MYO1E: variants seen among roughly 807,000 people sequenced by gnomAD.
MYO1E encodes the protein unconventional myosin-Ie.
Under a neutral mutation model 151.1 loss-of-function variants are expected in MYO1E, and 68 were observed. That is an observed-to-expected ratio of 0.45 (90% CI 0.37 to 0.55). The LOEUF (loss-of-function observed/expected upper bound fraction) is 0.55. Ranked by LOEUF, MYO1E falls within the 20% of genes least tolerant of loss-of-function variation. The pLI is 0.00. For missense variants in MYO1E, 1,363 were observed against 1,389.3 expected (o/e 0.98, Z 0.30); for synonymous variants, 601 against 501.7 (o/e 1.20, Z -2.64).
intron 3 of MYO1E, among the ~76,000 whole-genome samples, chr15:59,260,080 T>C (rs559117610): frequency 2.0e-5 from 3 of 152,376 alleles, no homozygotes; most frequent in African/African-American, 7.2e-5. Flanking sequence ...GCATATTTTT[T>C]AGAAATTCTA....
chr15:59,300,274 T>C (rs987316693), intron 1 of MYO1E, among the ~76,000 whole-genome samples: 3 of 151,430 alleles, frequency 2.0e-5, no homozygotes, highest in African/African-American at 7.3e-5. Context: ...CCTGTTCCCA[T>C]GGCTCTGCCT....
At chr15:59,219,937 C>T (rs1445192486) in intron 9 of MYO1E, among the ~76,000 whole-genome samples, 1 of 152,162 alleles carries the variant, frequency 6.6e-6, no homozygotes, top group Non-Finnish European at 1.5e-5. Context: ...GCGATGTGTG[C>T]ATTCATCTCA....
intron 1 of MYO1E, among the ~76,000 whole-genome samples, chr15:59,319,933 C>T (rs1163192096): frequency 6.6e-6 from 1 of 151,858 alleles, no homozygotes; most frequent in Non-Finnish European, 1.5e-5. Flanking sequence ...GAAAGAAACA[C>T]CCTAGAGACT....
chr15:59,372,612 G>C lies in MYO1E; in HGVS notation c.-112C>G. The C allele has an allele frequency of 1.5e-6, 2 of 1,378,018 alleles. No individual in the cohort carries two copies. The highest frequency in any genetic ancestry group is 2.6e-5 in the East Asian group (1 of 38,924). 85.4% of individuals were successfully genotyped at this position (1,378,018 alleles called of 1,614,324 possible). A position where few individuals can be genotyped will look rare whatever the true frequency, so the allele number is the denominator to read the frequency against. On this transcript the variant is annotated 5_prime_UTR_variant, in exon 1 of 28. Transcript: ENST00000288235. ...AGTTGGTTCCCCTCGCCAAAAACAG[G>C]CTCCCGACACCCAAGCACTCACAGG...
In MYO1E at chr15:59,308,838, C is replaced by CAAA. The variant is rs35012634; in HGVS notation, c.4-36392_4-36390dup. ...TGGTGACAAGAGCAAAACTCCATCT[C>CAAA]AAAAAAAAAAAATCCTCTAGAGGGA... On this transcript the variant is annotated intron_variant, in intron 1 of 27. Coordinates refer to ENST00000288235, the MANE Select transcript of MYO1E (RefSeq NM_004998.4). Among the ~76,000 whole-genome samples, 461 of 145,100 alleles carry CAAA rather than the reference C, an allele frequency of 3.2e-3. 6 individuals carry two copies. The highest frequency in any genetic ancestry group is 0.011 in the South Asian group (49 of 4,596).
chr15:59,206,943 G>A (rs2079838930), intron 14 of MYO1E: 1 of 1,611,998 alleles, frequency 6.2e-7, no homozygotes, highest in Non-Finnish European at 8.5e-7. Flanking sequence ...GAGCAGCCAT[G>A]AGTTGGACTG....
intron 17 of MYO1E, among the ~76,000 whole-genome samples, chr15:59,189,293 C>CA (rs547595787): frequency 8.5e-4 from 129 of 152,290 alleles, no homozygotes; most frequent in African/African-American, 2.8e-3. Flanking sequence ...CTCCTGAACT[C>CA]AATTATCTGC....
Position 59,158,503 on chromosome 15 carries a change from G to T in MYO1E, c.2786-124C>A, listed in dbSNP as rs796490566. On this transcript the variant is annotated intron_variant, in intron 24 of 27. Transcript: ENST00000288235. Reference sequence around the variant, plus strand: ...CCAGCTCTCAGGTGGATCTGCAGGAGAACAGTTGCAGTGGAGAAGGAGCCG... The same window carrying T: ...CCAGCTCTCAGGTGGATCTGCAGGATAACAGTTGCAGTGGAGAAGGAGCCG... 9 of 759,366 alleles carry T rather than the reference G, an allele frequency of 1.2e-5. No homozygotes were observed. The African/African-American group carries it at 1.6e-4, about 13-fold the overall frequency. 47.0% of individuals were successfully genotyped at this position (759,366 alleles called of 1,614,324 possible). A position where few individuals can be genotyped will look rare whatever the true frequency, so the allele number is the denominator to read the frequency against.
intron 14 of MYO1E, among the ~76,000 whole-genome samples, chr15:59,206,359 A>C (rs570124234): frequency 6.6e-6 from 1 of 152,128 alleles, no homozygotes; most frequent in Non-Finnish European, 1.5e-5. Flanking sequence ...GCCGGCCCCT[A>C]CCCTGCTGAA....
At chr15:59,196,596 T>C (rs1301249239) in intron 16 of MYO1E, among the ~76,000 whole-genome samples, 2 of 152,246 alleles carry the variant, frequency 1.3e-5, no homozygotes, top group Admixed American at 1.3e-4. Context: ...ATTAGGACTT[T>C]TCTGTTTTCA....
At position 59,176,449 on chromosome 15, in the gene MYO1E, CTTTTT is replaced by C. The variant is rs68139054; in HGVS notation, c.2049+1939_2049+1943del. Among the ~76,000 whole-genome samples the C allele has an allele frequency of 6.1e-4, 68 of 111,992 alleles. No homozygotes were observed. The South Asian group carries it at 9.2e-3, about 15-fold the overall frequency. The allele number at this position is 111,992 out of a possible 152,430, so 73.5% of individuals were successfully genotyped here. On this transcript the variant is annotated intron_variant, in intron 19 of 27. Coordinates refer to ENST00000288235, the MANE Select transcript of MYO1E (RefSeq NM_004998.4). Reference sequence around the variant, plus strand: ...AACCACATGGTAGGTTTTCTTTTTCCTTTTTTTTTTTTTTTTCTTTTTTTTAGAGA... The same window carrying C: ...AACCACATGGTAGGTTTTCTTTTTCCTTTTTTTTTTTCTTTTTTTTAGAGA...
At chr15:59,368,052 G>C (rs1262154895) in intron 1 of MYO1E, among the ~76,000 whole-genome samples, 1 of 152,192 alleles carries the variant, frequency 6.6e-6, no homozygotes, top group Non-Finnish European at 1.5e-5. Flanking sequence ...CTGGGAGGCA[G>C]AGGTTATAGT....
At chr15:59,182,010 A>C (rs2079664121) in intron 18 of MYO1E, among the ~76,000 whole-genome samples, 1 of 152,188 alleles carries the variant, frequency 6.6e-6, no homozygotes, top group South Asian at 2.1e-4. Context: ...TGCATGACCA[A>C]GATCCCAGAC....
At chr15:59,235,341 G>A (rs2080055895) in intron 5 of MYO1E, among the ~76,000 whole-genome samples, 1 of 152,130 alleles carries the variant, frequency 6.6e-6, no homozygotes, top group African/African-American at 2.4e-5. Flanking sequence ...ACAGTTTCTT[G>A]TGTATACTTC....
intron 14 of MYO1E, chr15:59,206,874 T>A: frequency 6.6e-7 from 1 of 1,506,738 alleles, no homozygotes; most frequent in Non-Finnish European, 8.9e-7. Flanking sequence ...ACGGCTCTCT[T>A]GGCGTCTCAA....
chr15:59,304,203 A>T (rs1475986850), intron 1 of MYO1E, among the ~76,000 whole-genome samples: 7 of 152,096 alleles, frequency 4.6e-5, no homozygotes, highest in African/African-American at 1.7e-4. Flanking sequence ...AGCTGGTCTC[A>T]AACTCCTGAC....
At chr15:59,293,060 A>G (rs1295131273) in intron 1 of MYO1E, among the ~76,000 whole-genome samples, 5 of 152,200 alleles carry the variant, frequency 3.3e-5, no homozygotes, top group Non-Finnish European at 7.3e-5. Context: ...CATTGGTCCA[A>G]ACACCACAGG....
Position 59,256,304 on chromosome 15 carries a change from C to G in MYO1E, c.312G>C (p.Glu104Asp). ...CATACCTGATAATGACGCACTGGTT[C>G]TCTCTGTCAATGATCATGTTTCTGT... is the stretch of plus-strand genomic sequence containing the variant. ...NMYRNMIIDR[E>D]NQCVIISGES... The change falls in exon 4 of 28, where the codon GAG (glutamate) becomes GAC (aspartate). Residue 104 changes from glutamate (E) to aspartate (D), a missense_variant. Transcript: ENST00000288235. 6.2e-7 allele frequency: 1 copy of G among 1,607,908 alleles called. No individual in the cohort carries two copies. The highest frequency in any genetic ancestry group is 8.5e-7 in the Non-Finnish European group (1 of 1,174,560).
chr15:59,149,267 A>G (rs1264438365), intron 26 of MYO1E, among the ~76,000 whole-genome samples: 1 of 152,064 alleles, frequency 6.6e-6, no homozygotes, highest in Non-Finnish European at 1.5e-5. Flanking sequence ...CGTGTTAATC[A>G]GGATGGTCTT....
Sources: gnomAD v4.1 joint callset for allele counts (sites outside exome capture counted in the v4.1 genomes callset) on GRCh38, gnomAD v4.1.1 for gene constraint, MANE v1.5 for transcripts, NCBI Gene and HGNC (gene_info 2026-07-23, HGNC 2026-07-21) for gene names.